Variants in NEAT1 observed in about 807,000 individuals in gnomAD.
NEAT1 encodes MENepsilon/beta.
At chr11:65,428,655 GA>G (rs1477642160) in exon 1 of NEAT1, 2 of 152,120 alleles carry the variant, frequency 1.3e-5, no homozygotes, top group East Asian at 3.9e-4. Context: ...CTAACATTAC[GA>G]AAAGATGAAC....
exon 1 of NEAT1, chr11:65,423,093 T>A (rs982909990): frequency 1.3e-5 from 2 of 152,356 alleles, no homozygotes; most frequent in African/African-American, 4.8e-5. Flanking sequence ...GCGCCGCTCT[T>A]GCATAGCTGA....
At chr11:65,444,219 G>A in exon 1 of NEAT1, 3 of 328,266 alleles carry the variant, frequency 9.1e-6, no homozygotes, top group South Asian at 7.4e-5. Context: ...TGAGAGGTCT[G>A]AGGCCTGCAG....
chr11:65,425,764 T>C (rs1202533048), exon 1 of NEAT1: 1 of 152,114 alleles, frequency 6.6e-6, no homozygotes, highest in African/African-American at 2.4e-5. Flanking sequence ...TCTGTTGTCT[T>C]TTCTGTGTTT....
exon 1 of NEAT1, chr11:65,423,621 T>C (rs1856525756): frequency 6.6e-6 from 1 of 152,342 alleles, no homozygotes; most frequent in African/African-American, 2.4e-5. Context: ...ACGCTTTATT[T>C]TCCAGGTGGC....
At chr11:65,440,460 C>CA (rs34743766) in exon 1 of NEAT1, 20,723 of 129,706 alleles carry the variant, frequency 0.16, 1,733 homozygotes, top group Admixed American at 0.29. Flanking sequence ...GACGCTGTCT[C>CA]AAAAAAAAAC....
At chr11:65,439,703 A>G (rs1856696537) in exon 1 of NEAT1, 1 of 152,142 alleles carries the variant, frequency 6.6e-6, no homozygotes, top group East Asian at 1.9e-4. Flanking sequence ...ATTTAAGGGA[A>G]AAAATGACTG....
At chr11:65,441,452 A>C (rs1371057114) in exon 1 of NEAT1, 1 of 152,220 alleles carries the variant, frequency 6.6e-6, no homozygotes, top group Non-Finnish European at 1.5e-5. Flanking sequence ...GGTGTGAGCC[A>C]CTGTGCCCAG....
At chr11:65,442,551 C>T (rs1193164422) in exon 1 of NEAT1, 1 of 152,204 alleles carries the variant, frequency 6.6e-6, no homozygotes, top group African/African-American at 2.4e-5. Context: ...AGGACGTGAC[C>T]CCCAGGGCAC....
At chr11:65,437,198 T>TATATATATATGTATATATATATATATAC (rs1565634273) in exon 1 of NEAT1, 1 of 133,512 alleles carries the variant, frequency 7.5e-6, no homozygotes, top group Admixed American at 7.2e-5. Flanking sequence ...TATATATGTA[T>TATATATATATGTATATATATATATATAC]ATATATATAT....
exon 1 of NEAT1, chr11:65,427,753 C>T (rs1023519133): frequency 6.6e-6 from 1 of 152,206 alleles, no homozygotes; most frequent in Non-Finnish European, 1.5e-5. Context: ...CTATAACCGC[C>T]TTCTCTTCTT....
At chr11:65,428,768 C>T (rs566922959) in exon 1 of NEAT1, 1 of 152,284 alleles carries the variant, frequency 6.6e-6, no homozygotes, top group Non-Finnish European at 1.5e-5. Context: ...CCGCCACCCT[C>T]CAGGACCTCC....
chr11:65,444,668 G>A, exon 1 of NEAT1: 1 of 372,358 alleles, frequency 2.7e-6, no homozygotes, highest in Non-Finnish European at 5.5e-6. Context: ...CCTGAGGGTG[G>A]CCTGGGGCAA....
exon 1 of NEAT1, chr11:65,434,482 G>T (rs955110202): frequency 6.6e-6 from 1 of 152,144 alleles, no homozygotes; most frequent in Non-Finnish European, 1.5e-5. Flanking sequence ...TTAACAGTAG[G>T]GAGATGCCTG....
At chr11:65,426,857 C>T (rs1008377977) in exon 1 of NEAT1, 2 of 152,114 alleles carry the variant, frequency 1.3e-5, no homozygotes, top group African/African-American at 4.8e-5. Flanking sequence ...GGTTAGAGTT[C>T]TAAGTGGTAC....
chr11:65,423,309 A>C (rs905610659), exon 1 of NEAT1: 7 of 152,020 alleles, frequency 4.6e-5, no homozygotes, highest in African/African-American at 1.5e-4. Context: ...AGGGCTGTGA[A>C]CCCGCCTGGG....
exon 1 of NEAT1, chr11:65,426,777 A>G (rs923886199): frequency 2.0e-5 from 3 of 152,132 alleles, no homozygotes; most frequent in Non-Finnish European, 4.4e-5. Flanking sequence ...ATGTGATGAA[A>G]CCACTCAAGC....
exon 1 of NEAT1, chr11:65,425,204 C>G (rs1004111945): frequency 6.6e-6 from 1 of 152,064 alleles, no homozygotes; most frequent in Non-Finnish European, 1.5e-5. Flanking sequence ...TGCAAACAGA[C>G]AAACTAACAA....
chr11:65,423,105 C>G (rs969741434), exon 1 of NEAT1: 5 of 152,456 alleles, frequency 3.3e-5, no homozygotes, highest in African/African-American at 1.2e-4. Context: ...CATAGCTGAG[C>G]GAGCCCGGGT....
chr11:65,431,958 G>A (rs1486746613), exon 1 of NEAT1: 1 of 152,116 alleles, frequency 6.6e-6, no homozygotes, highest in Admixed American at 6.5e-5. Context: ...TTTGTGGTCT[G>A]TGCTTTTGGT....
Sources: gnomAD v4.1 joint callset for allele counts on GRCh38, gnomAD v4.1.1 for gene constraint, MANE v1.5 for transcripts, NCBI Gene and HGNC (gene_info 2026-07-23, HGNC 2026-07-21) for gene names.